Variants in UNC13B observed in about 807,000 individuals in gnomAD.
UNC13B encodes protein unc-13 homolog B.
UNC13B carries 144 observed loss-of-function variants against 211.0 expected under a neutral mutation model. That is an observed-to-expected ratio of 0.68 (90% CI 0.60 to 0.78). The LOEUF (loss-of-function observed/expected upper bound fraction) is 0.78. Among genes scored for constraint, UNC13B ranks in the 30% least tolerant of loss-of-function variants. The pLI, the probability that UNC13B is intolerant of heterozygous loss-of-function variation, is 0.00. For missense variants in UNC13B, 1,777 were observed against 2,002.0 expected (o/e 0.89, Z 2.14); for synonymous variants, 709 against 725.8 (o/e 0.98, Z 0.37).
intron 1 of UNC13B, among the ~76,000 whole-genome samples, chr9:35,219,219 A>T (rs1824437222): frequency 6.6e-6 from 1 of 152,052 alleles, no homozygotes; most frequent in Admixed American, 6.6e-5. Context: ...TTGGGGAGAA[A>T]CCTCATTGGC....
chr9:35,313,880 ACT>A lies in UNC13B; in HGVS notation c.9324-18_9324-17del, dbSNP rs1830316650. Reference sequence around the variant, plus strand: ...GGCCTTGGCTATTTTTAAGAAATGTACTTTTTCTCTGTTACAAGTTTTCCTGA... The same window carrying A: ...GGCCTTGGCTATTTTTAAGAAATGTATTTTCTCTGTTACAAGTTTTCCTGA... On this transcript the variant is annotated splice_polypyrimidine_tract_variant and intron_variant, in intron 10 of 39. Transcript: ENST00000635942. 6.3e-7 allele frequency: 1 copy of A among 1,597,798 alleles called. No homozygotes were observed. Among genetic ancestry groups the A allele is most frequent in the East Asian group, 2.2e-5 (1 of 44,774 alleles).
intron 11 of UNC13B, among the ~76,000 whole-genome samples, chr9:35,360,055 A>T (rs1371986058): frequency 6.6e-6 from 1 of 152,154 alleles, no homozygotes; most frequent in Non-Finnish European, 1.5e-5. Flanking sequence ...CAGGCTTTGC[A>T]TTTGCTATAT....
intron 1 of UNC13B, among the ~76,000 whole-genome samples, chr9:35,189,353 C>A (rs1012814104): frequency 4.6e-5 from 7 of 152,152 alleles, no homozygotes; most frequent in African/African-American, 1.7e-4. Flanking sequence ...TAAGGTCTGA[C>A]CCTCTTCAGC....
chr9:35,356,857 T>G (rs185155935), intron 11 of UNC13B, among the ~76,000 whole-genome samples: 1 of 152,358 alleles, frequency 6.6e-6, no homozygotes, highest in East Asian at 1.9e-4. Flanking sequence ...ATAAATGGGT[T>G]TATAAAATAT....
chr9:35,308,774 A>T (rs1020974689), intron 9 of UNC13B, among the ~76,000 whole-genome samples: 1 of 152,234 alleles, frequency 6.6e-6, no homozygotes, highest in African/African-American at 2.4e-5. Flanking sequence ...AACTACAACT[A>T]CATGATAGGC....
intron 13 of UNC13B, 77 bp downstream of exon 13, chr9:35,370,473 T>C: frequency 7.2e-7 from 1 of 1,389,804 alleles, no homozygotes; most frequent in Admixed American, 1.8e-5. Context: ...GCTGTCAGGA[T>C]TGGAAGTCGT....
chr9:35,221,838 G>A (rs1429805090), intron 1 of UNC13B, among the ~76,000 whole-genome samples: 3 of 152,098 alleles, frequency 2.0e-5, no homozygotes, highest in Admixed American at 6.5e-5. Context: ...TGTACAGTAA[G>A]GATAAAATAA....
chr9:35,247,923 G>A (rs1286681591), intron 6 of UNC13B, among the ~76,000 whole-genome samples: 1 of 152,152 alleles, frequency 6.6e-6, no homozygotes, highest in Non-Finnish European at 1.5e-5. Context: ...AGTTTCAGAA[G>A]GAATGGTACC....
intron 1 of UNC13B, among the ~76,000 whole-genome samples, chr9:35,204,835 G>A (rs1366284551): frequency 1.3e-5 from 2 of 152,214 alleles, no homozygotes; most frequent in Non-Finnish European, 2.9e-5. Context: ...ATGCTGGAAT[G>A]TGTTAAGACT....
At chr9:35,381,008 G>T in intron 18 of UNC13B, 92 bp from the exon 19 acceptor site, 2 of 1,244,698 alleles carry the variant, frequency 1.6e-6, no homozygotes, top group Non-Finnish European at 2.2e-6. Context: ...TCCTTGGGTT[G>T]GCCCCTTCTC....
intron 5 of UNC13B, 58 bp downstream of exon 5, chr9:35,237,884 C>A: frequency 6.6e-7 from 1 of 1,523,006 alleles, no homozygotes; most frequent in Non-Finnish European, 8.9e-7. Context: ...GAATTGTTTG[C>A]TAGTTGTTTC....
chr9:35,273,878 ATGT>A (rs1053737924), intron 7 of UNC13B, among the ~76,000 whole-genome samples: 26 of 152,180 alleles, frequency 1.7e-4, no homozygotes, highest in African/African-American at 5.8e-4. Flanking sequence ...AGAACAGGAA[ATGT>A]TGTCCACTCG....
At chr9:35,182,492 A>T (rs1323940453) in intron 1 of UNC13B, among the ~76,000 whole-genome samples, 1 of 150,608 alleles carries the variant, frequency 6.6e-6, no homozygotes, top group South Asian at 2.1e-4. Flanking sequence ...TTTAGTATTT[A>T]TTGATCATTC....
intron 9 of UNC13B, among the ~76,000 whole-genome samples, chr9:35,309,625 A>T (rs1015387717): frequency 3.9e-4 from 59 of 152,074 alleles, no homozygotes; most frequent in Admixed American, 3.7e-3. Context: ...GCTTTCTCTC[A>T]TGACTTTCTG....
chr9:35,286,937 G>A (rs1828830640), intron 7 of UNC13B, among the ~76,000 whole-genome samples: 1 of 152,010 alleles, frequency 6.6e-6, no homozygotes, highest in African/African-American at 2.4e-5. Context: ...CTCTACCGTA[G>A]ACGGGTAAAC....
rs375070427 is a variant in UNC13B, at chr9:35,183,334, C to T, written c.22+21029C>T. 2.4e-3 allele frequency among the ~76,000 whole-genome samples: 266 copies of T among 110,824 alleles called. 2 individuals carry two copies. The highest frequency in any genetic ancestry group is 3.2e-3 in the South Asian group (10 of 3,132). 72.7% of individuals were successfully genotyped at this position (110,824 alleles called of 152,430 possible). A position where few individuals can be genotyped will look rare whatever the true frequency, so the allele number is the denominator to read the frequency against. ...CCCAGGCGGGGCAGCCGGGCAGAGG[C>T]GCCCCTCACCTCCCAGGCGGGGCGG... On this transcript the variant is annotated intron_variant, in intron 1 of 39. Coordinates refer to ENST00000635942, the MANE Select transcript of UNC13B (RefSeq NM_001371189.2).
intron 11 of UNC13B, among the ~76,000 whole-genome samples, chr9:35,318,334 G>T (rs1830568023): frequency 1.3e-5 from 2 of 152,148 alleles, no homozygotes; most frequent in Admixed American, 1.3e-4. Context: ...TAACATATTG[G>T]TTGAAGTTAT....
At chr9:35,228,120 T>C in intron 2 of UNC13B, 76 bp downstream of exon 2, 6 of 1,291,702 alleles carry the variant, frequency 4.6e-6, no homozygotes, top group Non-Finnish European at 6.5e-6. Context: ...AAATTATTAA[T>C]TCATTGATCA....
intron 1 of UNC13B, among the ~76,000 whole-genome samples, chr9:35,222,649 A>G (rs888039467): frequency 3.9e-5 from 6 of 152,236 alleles, no homozygotes; most frequent in Non-Finnish European, 8.8e-5. Context: ...ATGTGTAATG[A>G]TCAACCCAGG....
Sources: gnomAD v4.1 joint callset for allele counts (sites outside exome capture counted in the v4.1 genomes callset) on GRCh38, gnomAD v4.1.1 for gene constraint, MANE v1.5 for transcripts, NCBI Gene and HGNC (gene_info 2026-07-23, HGNC 2026-07-21) for gene names.